The following AUTS2 variants were observed in gnomAD, a reference collection of about 807,000 sequenced individuals.
The protein encoded by AUTS2 is autism susceptibility gene 2 protein.
A neutral mutation model predicts 112.4 loss-of-function variants in AUTS2; 17 were observed. That is an observed-to-expected ratio of 0.15 (90% CI 0.10 to 0.23). The LOEUF is 0.23. Ranked by LOEUF, AUTS2 falls within the 10% of genes least tolerant of loss-of-function variation. The pLI is 1.00. For missense variants in AUTS2, 1,510 were observed against 1,701.6 expected (o/e 0.89, Z 1.98); for synonymous variants, 751 against 702.7 (o/e 1.07, Z -1.09).
chr7:69,809,292 A>T (rs1790443545), intron 1 of AUTS2, among the ~76,000 whole-genome samples: 1 of 151,646 alleles, frequency 6.6e-6, no homozygotes, highest in South Asian at 2.1e-4. Context: ...GTTAGCCAGG[A>T]TGGTCTCCAT....
Position 70,262,900 on chromosome 7 carries a change from G to T in AUTS2, c.660+128329G>T, listed in dbSNP as rs539330072. Among the ~76,000 whole-genome samples, 10 of 152,190 alleles carry T rather than the reference G, an allele frequency of 6.6e-5. No individual in the cohort carries two copies. The East Asian group carries it at 1.7e-3, about 26-fold the overall frequency. ...ATATGGGACCCTTGGGGCCCACTGT[G>T]ATATTTATGGACATGAAATACAGTC... On this transcript the variant is annotated intron_variant, in intron 4 of 18. Transcript: ENST00000342771.
chr7:69,887,292 T>C (rs1340077050), intron 1 of AUTS2, among the ~76,000 whole-genome samples: 1 of 151,762 alleles, frequency 6.6e-6, no homozygotes, highest in Admixed American at 6.6e-5. Flanking sequence ...GATGTATGCC[T>C]GTAATCCCAG....
intron 4 of AUTS2, among the ~76,000 whole-genome samples, chr7:70,189,325 G>T (rs1469889324): frequency 2.6e-5 from 4 of 152,158 alleles, no homozygotes; most frequent in Non-Finnish European, 5.9e-5. Flanking sequence ...TTTTACTGTG[G>T]ATAAGCCCAA....
At chr7:70,684,283 G>T (rs185958212) in intron 5 of AUTS2, among the ~76,000 whole-genome samples, 65 of 152,260 alleles carry the variant, frequency 4.3e-4, no homozygotes, top group African/African-American at 1.5e-3. Context: ...ACTAACATGC[G>T]GTTGGCCACC....
intron 3 of AUTS2, among the ~76,000 whole-genome samples, chr7:70,130,068 C>T (rs1490697924): frequency 6.6e-6 from 1 of 152,088 alleles, no homozygotes; most frequent in African/African-American, 2.4e-5. Flanking sequence ...TCATGTGATT[C>T]CTGGCATGGT....
At chr7:69,874,133 C>T (rs1315417243) in intron 1 of AUTS2, among the ~76,000 whole-genome samples, 1 of 152,084 alleles carries the variant, frequency 6.6e-6, no homozygotes, top group African/African-American at 2.4e-5. Context: ...GGGCTCATGC[C>T]TGTAATCTCA....
chr7:69,772,036 C>T lies in AUTS2; in HGVS notation c.310-127250C>T, dbSNP rs186526282. Reference sequence around the variant, plus strand: ...TTGACCTCAGGTGATCTGCCTGCCTCGCCCTCCCAAAGTGCTGGGAGTATA... The same window carrying T: ...TTGACCTCAGGTGATCTGCCTGCCTTGCCCTCCCAAAGTGCTGGGAGTATA... On this transcript the variant is annotated intron_variant, in intron 1 of 18. Coordinates refer to ENST00000342771, the MANE Select transcript of AUTS2 (RefSeq NM_015570.4). 3.3e-5 allele frequency among the ~76,000 whole-genome samples: 5 copies of T among 152,202 alleles called. No homozygotes were observed. In the East Asian group the frequency reaches 5.8e-4, roughly 18 times the overall value.
chr7:70,532,520 C>T (rs1800140019), intron 5 of AUTS2, among the ~76,000 whole-genome samples: 1 of 152,090 alleles, frequency 6.6e-6, no homozygotes, highest in Admixed American at 6.6e-5. Context: ...GGGTCGATAC[C>T]AGGGTATCAG....
chr7:70,453,376 A>C (rs1253527858), intron 5 of AUTS2, among the ~76,000 whole-genome samples: 1 of 152,208 alleles, frequency 6.6e-6, no homozygotes, highest in Non-Finnish European at 1.5e-5. Context: ...AGTCCTTCCT[A>C]AGCATTACCT....
Position 70,484,487 on chromosome 7 carries a change from A to G in AUTS2, c.690+48706A>G, listed in dbSNP as rs1797908407. Reference sequence around the variant, plus strand: ...CTGAGGTGGTTGGGGTTAGCCCCTGACGGGAACTCAGGGTCTCAGCTTTCA... The same window carrying G: ...CTGAGGTGGTTGGGGTTAGCCCCTGGCGGGAACTCAGGGTCTCAGCTTTCA... On this transcript the variant is annotated intron_variant, in intron 5 of 18. Coordinates refer to ENST00000342771, the MANE Select transcript of AUTS2 (RefSeq NM_015570.4). 2.0e-5 allele frequency among the ~76,000 whole-genome samples: 3 copies of G among 152,324 alleles called. No homozygotes were observed. The South Asian group carries it at 6.2e-4, about 32-fold the overall frequency.
intron 4 of AUTS2, among the ~76,000 whole-genome samples, chr7:70,414,795 C>T (rs1794923644): frequency 6.6e-6 from 1 of 152,078 alleles, no homozygotes; most frequent in Non-Finnish European, 1.5e-5. Flanking sequence ...ATAGCTTAGC[C>T]CCAGTGGCTG....
chr7:70,548,509 ACTTT>A (rs1800883384), intron 5 of AUTS2, among the ~76,000 whole-genome samples: 1 of 152,072 alleles, frequency 6.6e-6, no homozygotes, highest in African/African-American at 2.4e-5. Flanking sequence ...GGTCACAGAG[ACTTT>A]CTTCTAAGAA....
At chr7:70,155,673 G>C (rs966260547) in intron 4 of AUTS2, among the ~76,000 whole-genome samples, 1 of 152,070 alleles carries the variant, frequency 6.6e-6, no homozygotes, top group African/African-American at 2.4e-5. Flanking sequence ...TTCAAAGCCT[G>C]AGCCCCAAAT....
At chr7:70,262,534 A>G (rs957681336) in intron 4 of AUTS2, among the ~76,000 whole-genome samples, 3 of 152,222 alleles carry the variant, frequency 2.0e-5, no homozygotes, top group African/African-American at 7.2e-5. Context: ...ATCAAAGTAA[A>G]GAAGAGGAAC....
rs868171405 is a variant in AUTS2 at position 70,161,008 on chromosome 7, A to G, written c.660+26437A>G. The stretch of plus-strand genomic sequence containing the variant: ...GAAACAGAACTTGTGCGTTCCTGAT[A>G]TAATGATGCTGAAACTAATCCCATG... On this transcript the variant is annotated intron_variant, in intron 4 of 18. Transcript: ENST00000342771. Among the ~76,000 whole-genome samples, 3 of 152,340 alleles carry G rather than the reference A, an allele frequency of 2.0e-5. 1 individual carries two copies.
chr7:70,664,764 G>C (rs560641900), intron 5 of AUTS2, among the ~76,000 whole-genome samples: 1 of 152,184 alleles, frequency 6.6e-6, no homozygotes, highest in East Asian at 1.9e-4. Flanking sequence ...AGGACACATT[G>C]AACTCCTTGA....
In AUTS2 at chr7:69,639,886, A is replaced by T. The variant is rs1794725195; in HGVS notation, c.309+39924A>T. Among the ~76,000 whole-genome samples the T allele has an allele frequency of 2.0e-5, 3 of 152,236 alleles. No homozygotes were observed. The South Asian group carries it at 6.2e-4, about 32-fold the overall frequency. ...GAGAAGACCCAGGTGGCGGATGGTT[A>T]CATCCCTTGGCAGCAGCTGTCTTTG... is the stretch of plus-strand genomic sequence containing the variant. On this transcript the variant is annotated intron_variant, in intron 1 of 18. Coordinates refer to ENST00000342771, the MANE Select transcript of AUTS2 (RefSeq NM_015570.4).
chr7:70,289,322 T>A (rs1788604347), intron 4 of AUTS2, among the ~76,000 whole-genome samples: 1 of 152,240 alleles, frequency 6.6e-6, no homozygotes, highest in South Asian at 2.1e-4. Flanking sequence ...TATTGGAAGA[T>A]GCATCAGAGT....
intron 5 of AUTS2, among the ~76,000 whole-genome samples, chr7:70,613,815 G>A (rs865884433): frequency 2.0e-5 from 3 of 152,306 alleles, no homozygotes; most frequent in African/African-American, 7.2e-5. Flanking sequence ...CAGACAGGGC[G>A]ACATGACTAG....
Sources: gnomAD v4.1 joint callset for allele counts (sites outside exome capture counted in the v4.1 genomes callset) on GRCh38, gnomAD v4.1.1 for gene constraint, MANE v1.5 for transcripts, NCBI Gene and HGNC (gene_info 2026-07-23, HGNC 2026-07-21) for gene names.